The following ANKRD44 variants were observed in gnomAD, a reference collection of about 807,000 sequenced individuals.
The protein encoded by ANKRD44 is serine/threonine-protein phosphatase 6 regulatory ankyrin repeat subunit B.
A neutral mutation model predicts 116.0 loss-of-function variants in ANKRD44; 35 were observed. The observed-to-expected ratio is 0.30, with a 90% CI of 0.23 to 0.40. The LOEUF is 0.40. ANKRD44 is among the 10% of genes least tolerant of loss of function. The pLI is 1.00. For synonymous variants in ANKRD44, 435 were observed against 461.8 expected (o/e 0.94, Z 0.74); for missense variants, 1,014 against 1,242.6 (o/e 0.82, Z 2.77).
chr2:197,239,860 G>A (rs1184112275), intron 1 of ANKRD44, among the ~76,000 whole-genome samples: 2 of 152,106 alleles, frequency 1.3e-5, no homozygotes, highest in Non-Finnish European at 2.9e-5. Context: ...ATATGACCAG[G>A]TGAACACCTA....
At chr2:197,126,217 A>T (rs2078971596) in intron 4 of ANKRD44, among the ~76,000 whole-genome samples, 180 bp from the exon 5 acceptor site, 1 of 152,248 alleles carries the variant, frequency 6.6e-6, no homozygotes, top group Non-Finnish European at 1.5e-5. Flanking sequence ...AGATAAAGAC[A>T]GAATCACTTT....
intron 1 of ANKRD44, among the ~76,000 whole-genome samples, chr2:197,239,916 A>T (rs1452104396): frequency 1.3e-5 from 2 of 152,238 alleles, no homozygotes; most frequent in East Asian, 1.9e-4. Flanking sequence ...AATGTCTTCA[A>T]CGTAGATTTT....
rs563157075 is a variant in ANKRD44, at chr2:197,226,880, T to C, written c.28-39774A>G. Among the ~76,000 whole-genome samples, 236 of 152,226 alleles carry C rather than the reference T, an allele frequency of 1.6e-3. 1 individual carries two copies. Among genetic ancestry groups the C allele is most frequent in the African/African-American group, 5.5e-3 (228 of 41,562 alleles). On this transcript the variant is annotated intron_variant, in intron 1 of 27. Coordinates refer to ENST00000282272, the MANE Select transcript of ANKRD44 (RefSeq NM_001195144.2). ...CATTACCTTCTTTCATAACTCTATT[T>C]CTCCTTCTGAGATTACATCTCAGAA...
At chr2:197,081,539 A>G in intron 15 of ANKRD44, 106 bp downstream of exon 15, 1 of 937,712 alleles carries the variant, frequency 1.1e-6, no homozygotes, top group Non-Finnish European at 1.7e-6. Flanking sequence ...CTTCCTCAAG[A>G]TCCCAAGTGA....
chr2:197,172,375 C>A (rs2080260842), intron 2 of ANKRD44, among the ~76,000 whole-genome samples: 1 of 152,170 alleles, frequency 6.6e-6, no homozygotes, highest in African/African-American at 2.4e-5. Flanking sequence ...TCTCCCGCCA[C>A]CACCAAATCC....
At chr2:197,115,061 ATAGAG>A (rs2078676558) in intron 8 of ANKRD44, among the ~76,000 whole-genome samples, 1 of 152,172 alleles carries the variant, frequency 6.6e-6, no homozygotes, top group South Asian at 2.1e-4. Flanking sequence ...CCTGGTACAT[ATAGAG>A]AAGGGAACTG....
intron 16 of ANKRD44, among the ~76,000 whole-genome samples, chr2:197,031,435 CTGGGCTAAAGCAA>C: frequency 6.6e-6 from 1 of 152,318 alleles, no homozygotes; most frequent in East Asian, 1.9e-4. Context: ...CCCCAAACTT[CTGGGCTAAAGCAA>C]TCCTCTTGCC....
intron 16 of ANKRD44, among the ~76,000 whole-genome samples, chr2:197,047,835 A>C (rs934208223): frequency 2.0e-5 from 3 of 152,034 alleles, no homozygotes; most frequent in Non-Finnish European, 4.4e-5. Context: ...GCTTGAACTC[A>C]GGAGGCGGAG....
At chr2:197,051,111 C>A (rs527854127) in intron 16 of ANKRD44, among the ~76,000 whole-genome samples, 39 of 151,506 alleles carry the variant, frequency 2.6e-4, no homozygotes, top group African/African-American at 9.0e-4. Context: ...TACAGGCACA[C>A]ACCACCATGT....
rs1343678329 is a variant in ANKRD44 at position 197,001,825 on chromosome 2, A to G, written c.2363T>C (p.Ile788Thr). 1.2e-6 allele frequency: 2 copies of G among 1,612,752 alleles called. No homozygotes were observed. Among genetic ancestry groups the G allele is most frequent in the South Asian group, 2.2e-5 (2 of 90,978 alleles). ...WACYNGNENC[I>T]EVLLEQKCFR... ...ACATTTTTGCTCCAAAAGTACCTCT[A>G]TACAGTTTTCATTACCTGCAAGAAA... Residue 788 changes from isoleucine (I) to threonine (T), a missense_variant, in exon 22 of 28, where the codon ATA becomes ACA. Ile to Thr is a moderately conservative substitution (Grantham distance 89, BLOSUM62 -1). Coordinates refer to ENST00000282272, the MANE Select transcript of ANKRD44 (RefSeq NM_001195144.2).
chr2:197,067,214 G>A (rs1313369277), intron 16 of ANKRD44, among the ~76,000 whole-genome samples: 1 of 151,960 alleles, frequency 6.6e-6, no homozygotes, highest in Non-Finnish European at 1.5e-5. Flanking sequence ...ATGGTGCTGG[G>A]AAAACTGGCT....
chr2:197,255,323 C>T (rs2082419500), intron 1 of ANKRD44, among the ~76,000 whole-genome samples: 1 of 152,154 alleles, frequency 6.6e-6, no homozygotes, highest in Non-Finnish European at 1.5e-5. Context: ...GTAGTCACCT[C>T]AGCATACACA....
chr2:197,071,766 T>C (rs1483753332), intron 16 of ANKRD44, among the ~76,000 whole-genome samples: 2 of 152,244 alleles, frequency 1.3e-5, no homozygotes, highest in Admixed American at 6.5e-5. Context: ...CTCATTGTTC[T>C]ACCAATTGTT....
chr2:197,163,386 C>T lies in ANKRD44; in HGVS notation c.112-16281G>A, dbSNP rs976587655. 3.3e-5 allele frequency among the ~76,000 whole-genome samples: 5 copies of T among 152,348 alleles called. No individual in the cohort carries two copies. In the East Asian group the frequency reaches 7.7e-4, roughly 24 times the overall value. ...TAGAGAGTGACACTATGTCCACAAC[C>T]AGTCCCACAGTGCCAGTTCCTGGGA... On this transcript the variant is annotated intron_variant, in intron 2 of 27. Transcript: ENST00000282272.
intron 12 of ANKRD44, among the ~76,000 whole-genome samples, chr2:197,088,172 G>A (rs1254860664): frequency 6.6e-6 from 1 of 152,124 alleles, no homozygotes; most frequent in African/African-American, 2.4e-5. Context: ...AGTAGCTGAT[G>A]AAAAATTCTC....
At chr2:197,110,709 C>T (rs928965284) in intron 9 of ANKRD44, 57 bp downstream of exon 9, 1 of 1,474,020 alleles carries the variant, frequency 6.8e-7, no homozygotes. Flanking sequence ...TGACTGACAG[C>T]CAAATTCACA....
intron 16 of ANKRD44, among the ~76,000 whole-genome samples, chr2:197,052,164 A>G (rs1281866942): frequency 1.3e-5 from 2 of 152,180 alleles, no homozygotes; most frequent in East Asian, 3.9e-4. Context: ...GGAATAGTGT[A>G]ACCATCAACT....
intron 16 of ANKRD44, among the ~76,000 whole-genome samples, chr2:197,074,365 C>T (rs964382845): frequency 6.7e-6 from 1 of 150,296 alleles, no homozygotes; most frequent in Non-Finnish European, 1.5e-5. Flanking sequence ...ACTGATTTTT[C>T]ATTTTCTTGT....
rs373923126 is a variant in ANKRD44, at chr2:197,005,450, G to A, written c.2347+244C>T. Among the ~76,000 whole-genome samples the A allele has an allele frequency of 6.6e-5, 10 of 152,192 alleles. No homozygotes were observed. The East Asian group carries it at 1.3e-3, about 21-fold the overall frequency. On this transcript the variant is annotated intron_variant, in intron 21 of 27. Coordinates refer to ENST00000282272, the MANE Select transcript of ANKRD44 (RefSeq NM_001195144.2). ...ATTTAAGCTTATCGGTTCTGATTAC[G>A]GTTAAGTGTTAATGATTAACTAAAA...
Sources: gnomAD v4.1 joint callset for allele counts (sites outside exome capture counted in the v4.1 genomes callset) on GRCh38, gnomAD v4.1.1 for gene constraint, MANE v1.5 for transcripts, NCBI Gene and HGNC (gene_info 2026-07-23, HGNC 2026-07-21) for gene names.